Variants in NABP2 observed in about 807,000 individuals in gnomAD.
The protein encoded by NABP2 is SOSS complex subunit B1.
NABP2 carries 7 observed loss-of-function variants against 22.7 expected under a neutral mutation model. The ratio of observed to expected loss-of-function variants is 0.31; its 90% CI spans 0.18 to 0.58. The LOEUF (loss-of-function observed/expected upper bound fraction) is 0.58, where lower values mean the gene tolerates loss of function less well. Ranked by LOEUF, NABP2 falls within the 20% of genes least tolerant of loss-of-function variation. The pLI, the probability that NABP2 is intolerant of heterozygous loss-of-function variation, is 0.89. For missense variants in NABP2, 188 were observed against 265.9 expected (o/e 0.71, Z 2.04); for synonymous variants, 107 against 99.2 (o/e 1.08, Z -0.47).
At chr12:56,223,252 G>A (rs1302477252), upstream of NABP2, among the ~76,000 whole-genome samples, 1 of 151,932 alleles carries the variant, frequency 6.6e-6, no homozygotes, top group Non-Finnish European at 1.5e-5. Flanking sequence ...GGGGTGGAGC[G>A]GTGGGGCGGG....
intron 6 of NABP2, among the ~76,000 whole-genome samples, chr12:56,226,620 C>T (rs1183150738): frequency 8.4e-6 from 1 of 118,650 alleles, no homozygotes; most frequent in Non-Finnish European, 1.6e-5. Context: ...GGCTGGAGTG[C>T]AATGGCGTGA....
rs971107033 is a variant in NABP2 at position 56,226,032 on chromosome 12, G to A, written c.291-147G>A. The A allele has an allele frequency of 6.9e-6, 5 of 724,380 alleles. No individual in the cohort carries two copies. The African/African-American group carries it at 8.8e-5, about 13-fold the overall frequency. The allele number at this position is 724,380 out of a possible 1,614,324, so 44.9% of individuals were successfully genotyped here. On this transcript the variant is annotated intron_variant, in intron 4 of 6. Transcript: ENST00000267023. Reference sequence around the variant, plus strand: ...GCCCAGGCTGGTCCCAAACTCCTGGGCTGAAGTGATCCTCCCGCTTCTGCC... The same window carrying A: ...GCCCAGGCTGGTCCCAAACTCCTGGACTGAAGTGATCCTCCCGCTTCTGCC...
chr12:56,225,105 G>A (rs1244927355), intron 2 of NABP2, among the ~76,000 whole-genome samples, 170 bp downstream of exon 2: 1 of 152,084 alleles, frequency 6.6e-6, no homozygotes, highest in South Asian at 2.1e-4. Context: ...GTATAGGGTA[G>A]ATAGAACTCT....
chr12:56,228,466 A>G (rs1359992594), intron 6 of NABP2, among the ~76,000 whole-genome samples: 1 of 151,358 alleles, frequency 6.6e-6, no homozygotes, highest in Non-Finnish European at 1.5e-5. Context: ...GGCTCACTGC[A>G]ACCTCTGCCT....
At chr12:56,225,307 CCTT>C in intron 2 of NABP2, 63 bp from the exon 3 acceptor site, 1 of 1,596,704 alleles carries the variant, frequency 6.3e-7, no homozygotes, top group Non-Finnish European at 8.6e-7. Flanking sequence ...CACATCTCAT[CCTT>C]CTGAGAGATA....
chr12:56,226,557 C>CCTTTT, intron 6 of NABP2, 138 bp downstream of exon 6: 3 of 271,334 alleles, frequency 1.1e-5, no homozygotes, highest in East Asian at 8.9e-5. Flanking sequence ...TCCCAGACCC[C>CCTTTT]TTTTTTTTTT....
At position 56,224,398 on chromosome 12, in the gene NABP2, T is replaced by A. The variant is rs1012702845; in HGVS notation, c.-67T>A. 23 of 991,648 alleles carry A rather than the reference T, an allele frequency of 2.3e-5. No individual in the cohort carries two copies. The highest frequency in any genetic ancestry group is 2.8e-5 in the Non-Finnish European group (23 of 832,468). The allele number at this position is 991,648 out of a possible 1,614,324, so 61.4% of individuals were successfully genotyped here. On this transcript the variant is annotated 5_prime_UTR_variant, in exon 1 of 7. Coordinates refer to ENST00000267023, the MANE Select transcript of NABP2 (RefSeq NM_024068.4). The stretch of plus-strand genomic sequence containing the variant: ...CGGCAGCGGAGCCTGTGGCTCCCCC[T>A]GCGGGCTGCTCAGCGGCGTGCACAG...
rs762011982 is a variant in NABP2 at position 56,225,396 on chromosome 12, G to A, written c.103G>A (p.Gly35Arg). 6 of 1,614,064 alleles carry A rather than the reference G, an allele frequency of 3.7e-6. No homozygotes were observed. Among genetic ancestry groups the A allele is most frequent in the African/African-American group, 2.7e-5 (2 of 74,910 alleles). Residue 35 changes from glycine to arginine, a missense_variant, in exon 3 of 7, where the codon GGG (glycine) becomes AGG (arginine). Coordinates refer to ENST00000267023, the MANE Select transcript of NABP2 (RefSeq NM_024068.4). The stretch of plus-strand genomic sequence containing the variant: ...AGGCCGAGTGACCAAGACAAAGGAC[G>A]GGCATGAGGTTCGGACCTGCAAAGT... ...ETGRVTKTKD[G>R]HEVRTCKVAD...
rs765924035 is a variant in NABP2 at position 56,228,974 on chromosome 12, T to C, written c.437-40T>C. ...GGCCTTGGGATGGACCCCTCTCCTA[T>C]GTTAACTAATTCCTTTGTTTCTTCT... is the stretch of plus-strand genomic sequence containing the variant. On this transcript the variant is annotated intron_variant, in intron 6 of 6. Transcript: ENST00000267023. The C allele has an allele frequency of 3.2e-6, 5 of 1,570,460 alleles. No individual in the cohort carries two copies. The East Asian group carries it at 7.0e-5, about 22-fold the overall frequency.
chr12:56,223,578 T>C (rs1869611318), upstream of NABP2: 1 of 151,392 alleles, frequency 6.6e-6, no homozygotes, highest in Non-Finnish European at 1.5e-5. Flanking sequence ...TCTCTCTTTG[T>C]CGCAGGTTCC....
In NABP2 at chr12:56,224,402, G is replaced by A; in HGVS notation, c.-63G>A. 1.0e-6 allele frequency: 1 copy of A among 992,666 alleles called. No individual in the cohort carries two copies. 61.5% of individuals were successfully genotyped at this position (992,666 alleles called of 1,614,324 possible). ...AGCGGAGCCTGTGGCTCCCCCTGCG[G>A]GCTGCTCAGCGGCGTGCACAGTCCT... On this transcript the variant is annotated 5_prime_UTR_variant, in exon 1 of 7. Transcript: ENST00000267023.
In NABP2 at chr12:56,225,603, T is replaced by A. The variant is rs767655524; in HGVS notation, c.219-21T>A. Reference sequence around the variant, plus strand: ...TATAACACTTCTGAGTACTGAATTTTGCTTTTTTTGCCTCCCATAGGTACG... The same window carrying A: ...TATAACACTTCTGAGTACTGAATTTAGCTTTTTTTGCCTCCCATAGGTACG... On this transcript the variant is annotated intron_variant, in intron 3 of 6. Transcript: ENST00000267023. 11 of 1,614,212 alleles carry A rather than the reference T, an allele frequency of 6.8e-6. No homozygotes were observed. In the Admixed American group the frequency reaches 1.5e-4, roughly 22 times the overall value.
chr12:56,229,400 G>A lies in NABP2; in HGVS notation c.*187G>A, dbSNP rs1870002882. 2 of 633,984 alleles carry A rather than the reference G, an allele frequency of 3.2e-6. No homozygotes were observed. Among genetic ancestry groups the A allele is most frequent in the Non-Finnish European group, 5.5e-6 (2 of 365,988 alleles). The allele number at this position is 633,984 out of a possible 1,614,324, so 39.3% of individuals were successfully genotyped here. A position where few individuals can be genotyped will look rare whatever the true frequency, so the allele number is the denominator to read the frequency against. ...TGTCCAGCTGAACTACCTGTCCCCT[G>A]GGAGTCAGGACCCTCTGCCTGCTCT... On this transcript the variant is annotated 3_prime_UTR_variant, in exon 7 of 7. Transcript: ENST00000267023.
rs879321339 is a variant in NABP2 at position 56,226,101 on chromosome 12, C to A, written c.291-78C>A. ...ACAGGTGTGAGTGACCACACCGAAC[C>A]TATCTGGACTTTTCTGAGGCCTCCA... On this transcript the variant is annotated intron_variant, in intron 4 of 6. Coordinates refer to ENST00000267023, the MANE Select transcript of NABP2 (RefSeq NM_024068.4). 3.0e-6 allele frequency: 4 copies of A among 1,338,734 alleles called. No homozygotes were observed. In the Admixed American group the frequency reaches 5.2e-5, roughly 17 times the overall value. 82.9% of individuals were successfully genotyped at this position (1,338,734 alleles called of 1,614,324 possible). A position where few individuals can be genotyped will look rare whatever the true frequency, so the allele number is the denominator to read the frequency against.
intron 6 of NABP2, 59 bp downstream of exon 6, chr12:56,226,478 G>A: frequency 2.9e-6 from 4 of 1,397,950 alleles, no homozygotes; most frequent in Non-Finnish European, 4.0e-6. Context: ...CCTCAGCCTA[G>A]AAAGATGCAT....
At chr12:56,224,283 G>C (rs1169788651), upstream of NABP2, 1 of 974,162 alleles carries the variant, frequency 1.0e-6, no homozygotes, top group Non-Finnish European at 1.2e-6. Flanking sequence ...CGCAGGGCGC[G>C]CCCGGGCGGT....
intron 4 of NABP2, 117 bp from the exon 5 acceptor site, chr12:56,226,062 A>G (rs1262773732): frequency 8.8e-6 from 8 of 905,134 alleles, no homozygotes; most frequent in African/African-American, 4.9e-5. Flanking sequence ...TCTGCCTCCC[A>G]AAGTGCTAGG....
chr12:56,227,803 A>G (rs1869843489), intron 6 of NABP2, among the ~76,000 whole-genome samples: 1 of 152,198 alleles, frequency 6.6e-6, no homozygotes, highest in Non-Finnish European at 1.5e-5. Context: ...ACAAAGTGAG[A>G]CCTCATCTCT....
At chr12:56,228,962 A>G in intron 6 of NABP2, 52 bp from the exon 7 acceptor site, 1 of 1,516,080 alleles carries the variant, frequency 6.6e-7, no homozygotes, top group South Asian at 1.2e-5. Flanking sequence ...CTTGGGATGG[A>G]CCCCTCTCCT....
Sources: gnomAD v4.1 joint callset for allele counts (sites outside exome capture counted in the v4.1 genomes callset) on GRCh38, gnomAD v4.1.1 for gene constraint, MANE v1.5 for transcripts, NCBI Gene and HGNC (gene_info 2026-07-23, HGNC 2026-07-21) for gene names.